Variants in WLS observed in about 807,000 individuals in gnomAD.
WLS encodes the protein Wnt ligand secretion mediator.
WLS carries 23 observed loss-of-function variants against 62.8 expected under a neutral mutation model. The ratio of observed to expected loss-of-function variants is 0.37; its 90% CI spans 0.26 to 0.52. WLS has a LOEUF of 0.52. Among genes scored for constraint, WLS ranks in the 20% least tolerant of loss-of-function variants. The pLI is 0.92. For missense variants in WLS, 615 were observed against 697.3 expected (o/e 0.88, Z 1.33); for synonymous variants, 246 against 244.1 (o/e 1.01, Z -0.07).
chr1:68,110,651 ATCTCTGTCTCTCTCTCTCTCTCTC>A (rs1435005861), intron 11 of WLS, among the ~76,000 whole-genome samples: 4 of 126,152 alleles, frequency 3.2e-5, no homozygotes, highest in South Asian at 2.5e-4. Flanking sequence ...GCCCCCAAAA[ATCTCTGTCTCTCTCTCTCTCTCTC>A]TCTCTCTCTC....
intron 2 of WLS, among the ~76,000 whole-genome samples, chr1:68,181,470 A>G (rs954480279): frequency 6.6e-6 from 1 of 152,210 alleles, no homozygotes; most frequent in Non-Finnish European, 1.5e-5. Context: ...GGGCCAGCCT[A>G]CCACCTAGTC....
At chr1:68,098,780 C>A in intron 11 of WLS, 2 of 1,605,456 alleles carry the variant, frequency 1.2e-6, no homozygotes, top group Non-Finnish European at 1.7e-6. Context: ...ATTTTAAAAC[C>A]ATGCAAAATA....
intron 11 of WLS, among the ~76,000 whole-genome samples, chr1:68,136,794 G>C (rs1281121888): frequency 2.0e-5 from 3 of 152,206 alleles, no homozygotes; most frequent in Non-Finnish European, 4.4e-5. Flanking sequence ...GAGGCAGAAT[G>C]TGCAATCCAC....
intron 1 of WLS, among the ~76,000 whole-genome samples, chr1:68,223,088 T>C (rs1650007326): frequency 6.6e-6 from 1 of 152,160 alleles, no homozygotes; most frequent in South Asian, 2.1e-4. Flanking sequence ...GTGCTGCCAG[T>C]GAGGGTTGGC....
At chr1:68,142,105 A>T (rs149892563) in intron 10 of WLS, among the ~76,000 whole-genome samples, 220 of 152,350 alleles carry the variant, frequency 1.4e-3, no homozygotes, top group African/African-American at 5.0e-3. Context: ...TTCCTTTGCT[A>T]TAAGAAGTAC....
In WLS at chr1:68,154,133, C is replaced by T. The variant is rs78800317; in HGVS notation, c.667-480G>A. ...CCAGCTACCACCCCCACAGTGTACC[C>T]CCCAAAAAAGCCACATTTGAGGTAG... On this transcript the variant is annotated intron_variant, in intron 4 of 11. Coordinates refer to ENST00000262348, the MANE Select transcript of WLS (RefSeq NM_024911.7). Among the ~76,000 whole-genome samples, 46 of 152,034 alleles carry T rather than the reference C, an allele frequency of 3.0e-4. No individual in the cohort carries two copies. The East Asian group carries it at 8.3e-3, about 28-fold the overall frequency.
chr1:68,163,056 T>A, intron 2 of WLS: 1 of 1,578,050 alleles, frequency 6.3e-7, no homozygotes, highest in Non-Finnish European at 8.7e-7. Flanking sequence ...GTCCAATTGC[T>A]GTCTCTTGAC....
chr1:68,135,800 T>A (rs1646601290), intron 11 of WLS, among the ~76,000 whole-genome samples: 1 of 152,172 alleles, frequency 6.6e-6, no homozygotes, highest in Admixed American at 6.5e-5. Context: ...CCAGCAGTGC[T>A]TGCTGCTCGT....
intron 1 of WLS, among the ~76,000 whole-genome samples, chr1:68,205,585 A>G (rs1649247063): frequency 6.6e-6 from 1 of 152,252 alleles, no homozygotes; most frequent in South Asian, 2.1e-4. Context: ...AATGGGGGAC[A>G]AAATGAAATA....
intron 2 of WLS, chr1:68,162,963 T>A: frequency 1.3e-6 from 2 of 1,594,512 alleles, no homozygotes; most frequent in East Asian, 4.5e-5. Flanking sequence ...CACAGTGCAG[T>A]CGCGGCCGTC....
intron 10 of WLS, among the ~76,000 whole-genome samples, chr1:68,140,489 T>C (rs1017238177): frequency 2.0e-5 from 3 of 152,162 alleles, no homozygotes; most frequent in African/African-American, 7.2e-5. Context: ...TAGTAACATA[T>C]GGTATAAACT....
intron 1 of WLS, chr1:68,202,685 C>G (rs537535976): frequency 9.1e-4 from 139 of 152,292 alleles, no homozygotes; most frequent in African/African-American, 3.2e-3. Flanking sequence ...AAATCAGCAA[C>G]CTTTCAGCCA....
At position 68,118,875 on chromosome 1, in the gene WLS, C is replaced by CAAAAAAAAAAAAAAAAAA. The variant is rs33982774; in HGVS notation, c.1510+18887_1510+18904dup. Among the ~76,000 whole-genome samples, 31 of 26,390 alleles carry CAAAAAAAAAAAAAAAAAA rather than the reference C, an allele frequency of 1.2e-3. 4 individuals carry two copies. The highest frequency in any genetic ancestry group is 2.1e-3 in the Admixed American group (3 of 1,456). 17.3% of individuals were successfully genotyped at this position (26,390 alleles called of 152,430 possible). A position where few individuals can be genotyped will look rare whatever the true frequency, so the allele number is the denominator to read the frequency against. On this transcript the variant is annotated intron_variant, in intron 11 of 11. Transcript: ENST00000354777. ...CTGGGTGACGAGCAAGACTCTGTCTCAAAAAAAAAAAAAAAAAAAAAAAAA... is the reference window on the plus strand; with the variant it reads ...CTGGGTGACGAGCAAGACTCTGTCTCAAAAAAAAAAAAAAAAAAAAAAAAAAAAAAAAAAAAAAAAAAA...
intron 11 of WLS, among the ~76,000 whole-genome samples, chr1:68,134,047 C>T (rs1646570122): frequency 6.6e-6 from 1 of 152,136 alleles, no homozygotes; most frequent in Non-Finnish European, 1.5e-5. Context: ...TAAAGACTTC[C>T]CATGAGAATG....
chr1:68,205,225 T>C (rs1649233258), intron 1 of WLS, among the ~76,000 whole-genome samples: 1 of 152,202 alleles, frequency 6.6e-6, no homozygotes, highest in African/African-American at 2.4e-5. Context: ...AGAGACTCAC[T>C]TCCTACAAAT....
chr1:68,171,223 A>C (rs1647148685), intron 2 of WLS, among the ~76,000 whole-genome samples: 1 of 152,210 alleles, frequency 6.6e-6, no homozygotes, highest in Non-Finnish European at 1.5e-5. Flanking sequence ...CCTAGAAGAC[A>C]ACCTAGGCAA....
At chr1:68,209,776 C>T (rs1184035618) in intron 1 of WLS, among the ~76,000 whole-genome samples, 6 of 150,230 alleles carry the variant, frequency 4.0e-5, no homozygotes, top group African/African-American at 7.3e-5. Flanking sequence ...AATGAAACTC[C>T]GTTTCAAAAA....
At chr1:68,153,758 A>G (rs1441396143) in intron 4 of WLS, 105 bp from the exon 5 acceptor site, 2 of 1,461,102 alleles carry the variant, frequency 1.4e-6, no homozygotes, top group Non-Finnish European at 1.9e-6. Context: ...TCGTCTGCGA[A>G]TGTTCACGAT....
chr1:68,122,409 C>T (rs12025640), downstream of WLS, among the ~76,000 whole-genome samples: 91 of 152,270 alleles, frequency 6.0e-4, 1 homozygote, highest in East Asian at 6.8e-3. Context: ...GGCAGTCACA[C>T]GTGGAATCAC....
Sources: gnomAD v4.1 joint callset for allele counts (sites outside exome capture counted in the v4.1 genomes callset) on GRCh38, gnomAD v4.1.1 for gene constraint, MANE v1.5 for transcripts, NCBI Gene and HGNC (gene_info 2026-07-23, HGNC 2026-07-21) for gene names.